The following CNOT6 variants were observed in gnomAD, a reference collection of about 807,000 sequenced individuals.
CNOT6 encodes the protein carbon catabolite repression 4 protein.
Under a neutral mutation model 61.2 loss-of-function variants are expected in CNOT6, and 12 were observed. The ratio of observed to expected loss-of-function variants is 0.20; its 90% confidence interval spans 0.13 to 0.32. The LOEUF (loss-of-function observed/expected upper bound fraction) is 0.32. Ranked by LOEUF, CNOT6 falls within the 10% of genes least tolerant of loss-of-function variation. The probability of loss-of-function intolerance (pLI) is 1.00; values close to 1 mark genes in which losing one functional copy is unlikely to be tolerated. For missense variants in CNOT6, 405 were observed against 663.9 expected, an observed-to-expected ratio of 0.61 and a Z score of 4.28; for synonymous variants, 225 against 240.6, an observed-to-expected ratio of 0.94 and a Z score of 0.60.
chr5:180,529,258 G>C lies in CNOT6; in HGVS notation c.-2-17G>C, dbSNP rs768601648. The C allele has an allele frequency of 3.7e-6, 5 of 1,354,560 alleles. No individual in the cohort carries two copies. The South Asian group carries it at 6.0e-5, about 16-fold the overall frequency. 83.9% of individuals were successfully genotyped at this position (1,354,560 alleles called of 1,614,324 possible). A position where few individuals can be genotyped will look rare whatever the true frequency, so the allele number is the denominator to read the frequency against. On this transcript the variant is annotated splice_polypyrimidine_tract_variant and intron_variant, in intron 1 of 11. Transcript: ENST00000261951. The stretch of plus-strand genomic sequence containing the variant: ...ATTTGATTTTTTAGAATACTGATTG[G>C]TTTCTTTTCTTAACAGGCATGCCCA...
At chr5:180,563,412 T>C (rs1348888555) in intron 4 of CNOT6, among the ~76,000 whole-genome samples, 1 of 151,844 alleles carries the variant, frequency 6.6e-6, no homozygotes, top group Non-Finnish European at 1.5e-5. Context: ...TTTTTTTTTC[T>C]TTTATATTTT....
rs115116462 is a variant in CNOT6, at chr5:180,520,151, T to G, written c.-2-9124T>G. ...ATCCAGCCTATCCATATACTATTAA[T>G]GAACATTTAGATTTTCAGTTTTTGG... On this transcript the variant is annotated intron_variant, in intron 1 of 11. Transcript: ENST00000261951. Among the ~76,000 whole-genome samples the G allele has an allele frequency of 3.3e-3, 510 of 152,290 alleles. 7 individuals carry two copies. Among genetic ancestry groups the G allele is most frequent in the African/African-American group, 0.011 (463 of 41,560 alleles).
intron 2 of CNOT6, among the ~76,000 whole-genome samples, chr5:180,535,007 G>C (rs1174798124): frequency 1.5e-5 from 1 of 68,672 alleles, no homozygotes; most frequent in Non-Finnish European, 3.7e-5. Context: ...GAGTCCCTGG[G>C]GTCCGAGAGG....
chr5:180,553,272 T>C (rs1290700056), intron 3 of CNOT6, 114 bp from the exon 4 acceptor site: 7 of 621,098 alleles, frequency 1.1e-5, no homozygotes, highest in South Asian at 8.0e-5. Flanking sequence ...CATTGAAATA[T>C]AACGTAACAT....
At chr5:180,526,871 A>G (rs1758124179) in intron 1 of CNOT6, among the ~76,000 whole-genome samples, 2 of 148,134 alleles carry the variant, frequency 1.4e-5, no homozygotes. Context: ...AAAATCACAT[A>G]CAACCGTAAA....
intron 2 of CNOT6, among the ~76,000 whole-genome samples, chr5:180,547,126 G>A (rs1033452099): frequency 2.0e-5 from 3 of 152,106 alleles, no homozygotes; most frequent in Admixed American, 2.0e-4. Context: ...TTTGGATTAG[G>A]GTTGCTCAAG....
chr5:180,558,520 A>C (rs1402859586), intron 4 of CNOT6, among the ~76,000 whole-genome samples: 2 of 151,228 alleles, frequency 1.3e-5, no homozygotes, highest in Admixed American at 6.6e-5. Flanking sequence ...TAAAAAAAAA[A>C]ACAAAAAACC....
intron 2 of CNOT6, among the ~76,000 whole-genome samples, chr5:180,544,984 A>T (rs1394315893): frequency 6.6e-6 from 1 of 152,230 alleles, no homozygotes; most frequent in Admixed American, 6.5e-5. Context: ...AAATTGTTTT[A>T]TATTAAATGC....
In CNOT6 at chr5:180,550,026, A is replaced by T; in HGVS notation, c.208A>T (p.Ile70Phe). Residue 70 changes from isoleucine to phenylalanine, a missense_variant, in exon 3 of 12, where the codon ATT becomes TTT. Coordinates refer to ENST00000261951, the MANE Select transcript of CNOT6 (RefSeq NM_001370472.1). ...TTCCCTGTCCCGAATTCCTTCAGAC[A>T]TTGCCAAGCTTCACAATCTGGTGTA... ...DNSLSRIPSD[I>F]AKLHNLVYLD... 6.2e-7 allele frequency: 1 copy of T among 1,614,172 alleles called. No individual in the cohort carries two copies. The highest frequency in any genetic ancestry group is 8.5e-7 in the Non-Finnish European group (1 of 1,180,002).
chr5:180,545,350 T>G (rs1170047803), intron 2 of CNOT6, among the ~76,000 whole-genome samples: 1 of 152,248 alleles, frequency 6.6e-6, no homozygotes, highest in African/African-American at 2.4e-5. Flanking sequence ...GCAACCGCTG[T>G]TCTGCTTTCT....
At chr5:180,544,989 A>G (rs563803609) in intron 2 of CNOT6, among the ~76,000 whole-genome samples, 1 of 152,334 alleles carries the variant, frequency 6.6e-6, no homozygotes, top group African/African-American at 2.4e-5. Flanking sequence ...GTTTTATATT[A>G]AATGCCTTAT....
chr5:180,502,101 G>A (rs1254160771), intron 1 of CNOT6, among the ~76,000 whole-genome samples: 1 of 152,206 alleles, frequency 6.6e-6, no homozygotes, highest in Non-Finnish European at 1.5e-5. Flanking sequence ...TCGAGAGAAG[G>A]TAGGCACCTG....
intron 4 of CNOT6, 28 bp downstream of exon 4, chr5:180,553,499 T>C (rs1759721185): frequency 1.9e-6 from 3 of 1,544,706 alleles, no homozygotes; most frequent in East Asian, 2.2e-5. Flanking sequence ...GTACTTCTTA[T>C]GGTTTGTGTA....
chr5:180,539,295 C>CA (rs70973933), intron 2 of CNOT6, among the ~76,000 whole-genome samples: 28,397 of 135,962 alleles, frequency 0.21, 2,742 homozygotes, highest in Non-Finnish European at 0.22. Flanking sequence ...AACAAACAAA[C>CA]AAAAAAAAAC....
intron 4 of CNOT6, among the ~76,000 whole-genome samples, chr5:180,558,121 C>T (rs1242571252): frequency 6.6e-6 from 1 of 152,178 alleles, no homozygotes; most frequent in Non-Finnish European, 1.5e-5. Flanking sequence ...AGGAAGGAAT[C>T]GGCTCTTTGA....
At chr5:180,499,684 GATAGAACAGTTTT>G (rs1459541011) in intron 1 of CNOT6, among the ~76,000 whole-genome samples, 1 of 152,168 alleles carries the variant, frequency 6.6e-6, no homozygotes, top group Non-Finnish European at 1.5e-5. Context: ...TGGTAAAAAT[GATAGAACAGTTTT>G]ACACGTTGAA....
chr5:180,528,947 A>G (rs2127720069), intron 1 of CNOT6, among the ~76,000 whole-genome samples: 1 of 152,044 alleles, frequency 6.6e-6, no homozygotes, highest in Admixed American at 6.5e-5. Context: ...ATGCTGGCTC[A>G]CTCCTGTAAT....
chr5:180,544,307 T>C (rs1171820623), intron 2 of CNOT6, among the ~76,000 whole-genome samples: 4 of 152,238 alleles, frequency 2.6e-5, no homozygotes, highest in Non-Finnish European at 5.9e-5. Context: ...CCATATAAGT[T>C]GGTGTCTTCA....
At chr5:180,541,711 C>CA (rs975756126) in intron 2 of CNOT6, among the ~76,000 whole-genome samples, 58 of 151,952 alleles carry the variant, frequency 3.8e-4, no homozygotes, top group African/African-American at 1.4e-3. Flanking sequence ...CTCAGCCTCT[C>CA]AAAGTGCTGG....
Sources: allele counts gnomAD v4.1 joint callset (sites outside exome capture counted in the v4.1 genomes callset), GRCh38; gene constraint gnomAD v4.1.1; transcripts MANE v1.5; gene names NCBI Gene and HGNC (gene_info 2026-07-23, HGNC 2026-07-21).